The following GPC5 variants were observed in gnomAD, a reference collection of about 807,000 sequenced individuals.
The protein encoded by GPC5 is glypican 5, also known as glypican-5.
In GPC5, 47 loss-of-function variants were observed where a neutral mutation model predicts 53.9. That is an observed-to-expected ratio of 0.87 (90% CI 0.69 to 1.11). GPC5 has a LOEUF of 1.11. Among genes scored for constraint, GPC5 ranks in the 50% most tolerant of loss-of-function variants. The probability of loss-of-function intolerance (pLI) is 0.00; values close to 1 mark genes in which losing one functional copy is unlikely to be tolerated. For missense variants in GPC5, 748 were observed against 713.1 expected, an observed-to-expected ratio of 1.05 and a Z score of -0.56; for synonymous variants, 286 against 263.3, an observed-to-expected ratio of 1.09 and a Z score of -0.84.
intron 2 of GPC5, among the ~76,000 whole-genome samples, chr13:91,580,964 G>A (rs184238834): frequency 1.1e-3 from 168 of 152,324 alleles, no homozygotes; most frequent in Non-Finnish European, 1.9e-3. Context: ...GGTGGAAGAT[G>A]AAGAAAACAT....
chr13:91,732,237 G>C (rs1208176286), intron 4 of GPC5, among the ~76,000 whole-genome samples: 2 of 152,172 alleles, frequency 1.3e-5, no homozygotes, highest in African/African-American at 4.8e-5. Flanking sequence ...TGACTGGCGT[G>C]AGATAGTATC....
At chr13:92,741,266 T>C (rs1187559311) in intron 7 of GPC5, among the ~76,000 whole-genome samples, 1 of 151,584 alleles carries the variant, frequency 6.6e-6, no homozygotes, top group Admixed American at 6.6e-5. Flanking sequence ...ATTAATAGAT[T>C]AATGGATTAT....
intron 7 of GPC5, among the ~76,000 whole-genome samples, chr13:92,469,755 A>G (rs1878838984): frequency 6.6e-6 from 1 of 152,128 alleles, no homozygotes; most frequent in Non-Finnish European, 1.5e-5. Context: ...TCATTATGGT[A>G]AACAGCAAAA....
intron 7 of GPC5, among the ~76,000 whole-genome samples, chr13:92,283,878 A>T: frequency 6.6e-6 from 1 of 152,250 alleles, no homozygotes; most frequent in African/African-American, 2.4e-5. Context: ...AGAAGGCAAG[A>T]AATAACTAAG....
intron 7 of GPC5, among the ~76,000 whole-genome samples, chr13:92,793,437 G>A (rs930566103): frequency 1.3e-5 from 2 of 152,080 alleles, no homozygotes; most frequent in African/African-American, 4.8e-5. Flanking sequence ...GAAGCAGAAA[G>A]ATCTAAAATC....
chr13:92,715,745 A>C (rs1027097400), intron 7 of GPC5, among the ~76,000 whole-genome samples: 1 of 152,208 alleles, frequency 6.6e-6, no homozygotes, highest in African/African-American at 2.4e-5. Flanking sequence ...GAAACAGAGA[A>C]GATTCTAGAG....
At chr13:91,949,822 G>GAA (rs111562875) in intron 6 of GPC5, among the ~76,000 whole-genome samples, 4 of 151,960 alleles carry the variant, frequency 2.6e-5, no homozygotes, top group Non-Finnish European at 4.4e-5. Context: ...TGGTAGAAAG[G>GAA]AAAAAAATTC....
chr13:92,487,473 T>C (rs1050005339), intron 7 of GPC5, among the ~76,000 whole-genome samples: 1 of 152,146 alleles, frequency 6.6e-6, no homozygotes, highest in African/African-American at 2.4e-5. Flanking sequence ...CATGTGCCTT[T>C]TGAGATGGGA....
intron 6 of GPC5, among the ~76,000 whole-genome samples, chr13:91,968,681 C>T (rs1163000654): frequency 6.6e-6 from 1 of 152,006 alleles, no homozygotes; most frequent in South Asian, 2.1e-4. Flanking sequence ...AGGCTTGTCT[C>T]GAACTCCTGA....
At chr13:92,851,724 GA>G (rs535451701) in intron 7 of GPC5, among the ~76,000 whole-genome samples, 30,870 of 133,960 alleles carry the variant, frequency 0.23, 3,630 homozygotes, top group Non-Finnish European at 0.3. Flanking sequence ...TACTAAAAAT[GA>G]AAAAAAAAAA....
intron 2 of GPC5, among the ~76,000 whole-genome samples, chr13:91,464,610 T>C (rs1882123639): frequency 6.6e-6 from 1 of 152,148 alleles, no homozygotes; most frequent in African/African-American, 2.4e-5. Context: ...ATTAAAAATA[T>C]AACATTCTTG....
At chr13:92,421,111 T>C (rs974274385) in intron 7 of GPC5, among the ~76,000 whole-genome samples, 1 of 152,230 alleles carries the variant, frequency 6.6e-6, no homozygotes, top group East Asian at 1.9e-4. Flanking sequence ...TTTTTAACCC[T>C]GTGAAGTACA....
intron 7 of GPC5, among the ~76,000 whole-genome samples, chr13:92,481,236 G>A (rs1263633913): frequency 6.6e-6 from 1 of 151,962 alleles, no homozygotes; most frequent in Non-Finnish European, 1.5e-5. Flanking sequence ...GAGTAGCTGG[G>A]ACTACAGGTG....
chr13:92,188,954 CA>C (rs2042203376), intron 7 of GPC5, among the ~76,000 whole-genome samples: 1 of 152,094 alleles, frequency 6.6e-6, no homozygotes, highest in Non-Finnish European at 1.5e-5. Context: ...CAGGCAGGTA[CA>C]AAACATCACA....
intron 1 of GPC5, among the ~76,000 whole-genome samples, chr13:91,447,318 T>C (rs1449577487): frequency 2.6e-5 from 4 of 152,178 alleles, no homozygotes; most frequent in Middle Eastern, 3.4e-3. Context: ...GGAATAAAGC[T>C]GAGAAGATAG....
In GPC5 at chr13:92,812,577, C is replaced by A. The variant is rs932010135; in HGVS notation, c.1562-53705C>A. Among the ~76,000 whole-genome samples the A allele has an allele frequency of 4.1e-4, 62 of 151,842 alleles. 1 individual carries two copies. The highest frequency in any genetic ancestry group is 1.4e-3 in the African/African-American group (59 of 41,262). Reference sequence around the variant, plus strand: ...ATTTATGAATTTCCCACTTTCATCACGTTTATTCAACATTGTGCTGGAAGT... The same window carrying A: ...ATTTATGAATTTCCCACTTTCATCAAGTTTATTCAACATTGTGCTGGAAGT... On this transcript the variant is annotated intron_variant, in intron 7 of 7. Coordinates refer to ENST00000377067, the MANE Select transcript of GPC5 (RefSeq NM_004466.6).
In GPC5 at chr13:91,682,204, T is replaced by C. The variant is rs559036096; in HGVS notation, c.326-10983T>C. 1.9e-3 allele frequency among the ~76,000 whole-genome samples: 296 copies of C among 152,350 alleles called. 1 individual carries two copies. Among genetic ancestry groups the C allele is most frequent in the African/African-American group, 7.0e-3 (290 of 41,582 alleles). ...ATACAATGTGTGCTATGTTTACTTA[T>C]ATACACAGTATTATTATGGTGGTCG... On this transcript the variant is annotated intron_variant, in intron 2 of 7. Transcript: ENST00000377067.
At chr13:91,712,068 A>G (rs2036237546) in intron 3 of GPC5, among the ~76,000 whole-genome samples, 1 of 152,186 alleles carries the variant, frequency 6.6e-6, no homozygotes, top group Non-Finnish European at 1.5e-5. Flanking sequence ...TGAAAATAGG[A>G]CTAAACATTA....
chr13:92,161,044 T>G (rs892067210), intron 7 of GPC5, among the ~76,000 whole-genome samples: 3 of 151,326 alleles, frequency 2.0e-5, no homozygotes, highest in East Asian at 1.9e-4. Flanking sequence ...AAAGTGTTTT[T>G]TTTTTTTTTT....
Sources: gnomAD v4.1 joint callset for allele counts (sites outside exome capture counted in the v4.1 genomes callset) on GRCh38, gnomAD v4.1.1 for gene constraint, MANE v1.5 for transcripts, NCBI Gene and HGNC (gene_info 2026-07-23, HGNC 2026-07-21) for gene names.